CPAMD8: variants seen among roughly 807,000 people sequenced by gnomAD.
CPAMD8 encodes C3 and PZP-like alpha-2-macroglobulin domain-containing protein 8.
In CPAMD8, 146 loss-of-function variants were observed where a neutral mutation model predicts 224.7. That is an observed-to-expected ratio of 0.65 (90% CI 0.57 to 0.75). The LOEUF is 0.75. Ranked by LOEUF, CPAMD8 falls within the 30% of genes least tolerant of loss-of-function variation. The probability of loss-of-function intolerance (pLI) is 0.00; values close to 1 mark genes in which losing one functional copy is unlikely to be tolerated. For missense variants in CPAMD8, 2,301 were observed against 2,537.5 expected, an observed-to-expected ratio of 0.91 and a Z score of 2.00; for synonymous variants, 966 against 1,044.6, an observed-to-expected ratio of 0.92 and a Z score of 1.45.
chr19:16,904,623 C>A, intron 30 of CPAMD8, 71 bp from the exon 31 acceptor site: 1 of 1,003,098 alleles, frequency 1.0e-6, no homozygotes, highest in Non-Finnish European at 1.6e-6. Flanking sequence ...GGAGCGCATC[C>A]AAGCATGGGG....
chr19:16,905,912 G>A (rs2052457434), intron 30 of CPAMD8, among the ~76,000 whole-genome samples: 1 of 152,102 alleles, frequency 6.6e-6, no homozygotes, highest in Non-Finnish European at 1.5e-5. Flanking sequence ...TAGGTGGGGA[G>A]ACTGACAGCT....
rs563310279 is a variant in CPAMD8, at chr19:16,977,310, C to T, written c.1758+58G>A. On this transcript the variant is annotated intron_variant, in intron 15 of 41. Transcript: ENST00000443236. ...TGTGCACAGACCCCCTGGCCAGCAC[C>T]TTGGAGAAGCCCCGATGGCCCCTGG... 7.7e-5 allele frequency: 93 copies of T among 1,210,058 alleles called. 1 individual carries two copies. In the South Asian group the frequency reaches 1.1e-3, roughly 15 times the overall value. 75.0% of individuals were successfully genotyped at this position (1,210,058 alleles called of 1,614,324 possible).
In CPAMD8 at chr19:16,980,703, GCATGGGGGGCTCTGCCTCGCAC is replaced by G. The variant is rs2055482316; in HGVS notation, c.1396-39_1396-18del. On this transcript the variant is annotated intron_variant, in intron 13 of 41. Coordinates refer to ENST00000443236, the MANE Select transcript of CPAMD8 (RefSeq NM_015692.5). Reference sequence around the variant, plus strand: ...TTCCCCAACCTATGGAAGACACGCAGCATGGGGGGCTCTGCCTCGCACCAATGTTGCAACCCACCACAGGAAG... The same window carrying G: ...TTCCCCAACCTATGGAAGACACGCAGCAATGTTGCAACCCACCACAGGAAG... 1.3e-6 allele frequency: 2 copies of G among 1,509,330 alleles called. No individual in the cohort carries two copies. The highest frequency in any genetic ancestry group is 2.8e-5 in the African/African-American group (2 of 70,370). The allele number at this position is 1,509,330 out of a possible 1,614,324, so 93.5% of individuals were successfully genotyped here.
chr19:16,975,378 G>C (rs769161450), intron 16 of CPAMD8, 120 bp from the exon 17 acceptor site: 132 of 754,380 alleles, frequency 1.7e-4, no homozygotes, highest in Non-Finnish European at 2.6e-4. Context: ...CAACCTCCAG[G>C]AGATGGGCAC....
chr19:16,918,747 CTTTTTTT>C (rs3029467), intron 27 of CPAMD8, among the ~76,000 whole-genome samples: 2 of 127,492 alleles, frequency 1.6e-5, no homozygotes, highest in African/African-American at 3.0e-5. Flanking sequence ...CACACCCAGA[CTTTTTTT>C]TTTTTTTTTT....
chr19:16,894,669 G>A lies in CPAMD8; in HGVS notation c.5427-1330C>T, dbSNP rs575493553. 5.9e-4 allele frequency: 203 copies of A among 343,258 alleles called. 1 individual carries two copies. Among genetic ancestry groups the A allele is most frequent in the African/African-American group, 4.0e-3 (186 of 46,712 alleles). 21.3% of individuals were successfully genotyped at this position (343,258 alleles called of 1,614,324 possible). A position where few individuals can be genotyped will look rare whatever the true frequency, so the allele number is the denominator to read the frequency against. ...TGATGGGCTCTGGGTGTCCATGTGC[G>A]GTAAGAGGGGAGTAGCTTGTGTCAG... On this transcript the variant is annotated intron_variant, in intron 41 of 41. Transcript: ENST00000443236.
chr19:16,912,570 G>A (rs1478035090), intron 29 of CPAMD8, among the ~76,000 whole-genome samples: 1 of 152,166 alleles, frequency 6.6e-6, no homozygotes, highest in African/African-American at 2.4e-5. Context: ...CCAACATGGT[G>A]GAACCTGGTC....
rs894260969 is a variant in CPAMD8 at position 16,892,951 on chromosome 19, T to A, written c.*157A>T. 2 of 758,478 alleles carry A rather than the reference T, an allele frequency of 2.6e-6. No individual in the cohort carries two copies. Among genetic ancestry groups the A allele is most frequent in the Non-Finnish European group, 4.9e-6 (2 of 412,096 alleles). 47.0% of individuals were successfully genotyped at this position (758,478 alleles called of 1,614,324 possible). ...CAAAGTTCATGTGCACCCCAGAACA[T>A]GTGAGTAAGATCAGTAACGTGTATT... is the stretch of plus-strand genomic sequence containing the variant. On this transcript the variant is annotated 3_prime_UTR_variant, in exon 42 of 42. Transcript: ENST00000443236.
At chr19:16,972,445 T>A (rs1165199076) in intron 17 of CPAMD8, among the ~76,000 whole-genome samples, 2 of 152,178 alleles carry the variant, frequency 1.3e-5, no homozygotes, top group Non-Finnish European at 2.9e-5. Flanking sequence ...AAGAATTTTT[T>A]TTTTTTAGAC....
At chr19:17,013,074 G>A (rs896285493) in intron 3 of CPAMD8, among the ~76,000 whole-genome samples, 3 of 151,916 alleles carry the variant, frequency 2.0e-5, no homozygotes, top group Non-Finnish European at 2.9e-5. Context: ...CCAGCTACTC[G>A]GGAGGCTGAG....
intron 28 of CPAMD8, 65 bp from the exon 29 acceptor site, chr19:16,914,563 C>A: frequency 6.2e-7 from 1 of 1,610,008 alleles, no homozygotes; most frequent in East Asian, 2.2e-5. Context: ...CCCACTTCCC[C>A]CAGGCAGCTC....
chr19:16,974,992 G>A (rs1358437192), intron 17 of CPAMD8, 105 bp downstream of exon 17: 16 of 1,411,644 alleles, frequency 1.1e-5, no homozygotes, highest in African/African-American at 1.5e-5. Flanking sequence ...AGAAAGAAAA[G>A]CTTCCAATTC....
At chr19:16,943,765 A>G (rs2053982144) in intron 22 of CPAMD8, among the ~76,000 whole-genome samples, 1 of 152,172 alleles carries the variant, frequency 6.6e-6, no homozygotes, top group Middle Eastern at 3.2e-3. Flanking sequence ...TTTAGTAGAC[A>G]GGCCAGATAC....
chr19:16,941,958 C>T (rs549182165), intron 22 of CPAMD8, among the ~76,000 whole-genome samples: 11 of 151,708 alleles, frequency 7.3e-5, no homozygotes, highest in East Asian at 3.9e-4. Flanking sequence ...GGCGACAGAG[C>T]GAGACTCCAT....
In CPAMD8 at chr19:16,938,449, G is replaced by T; in HGVS notation, c.2794-3C>A. 1 of 1,567,250 alleles carries T rather than the reference G, an allele frequency of 6.4e-7. No homozygotes were observed. Among genetic ancestry groups the T allele is most frequent in the Non-Finnish European group, 8.7e-7 (1 of 1,153,758 alleles). ...TACGCCCGGGGGACTCCTTCCGCCTGAAACAAAGAAACAAGGAGAACTGAG... is the reference window on the plus strand; with the variant it reads ...TACGCCCGGGGGACTCCTTCCGCCTTAAACAAAGAAACAAGGAGAACTGAG... On this transcript the variant is annotated splice_region_variant and splice_polypyrimidine_tract_variant and intron_variant, in intron 22 of 41. Coordinates refer to ENST00000443236, the MANE Select transcript of CPAMD8 (RefSeq NM_015692.5).
At chr19:16,985,854 G>C (rs548657949) in intron 13 of CPAMD8, among the ~76,000 whole-genome samples, 4 of 152,110 alleles carry the variant, frequency 2.6e-5, no homozygotes, top group Admixed American at 6.6e-5. Context: ...AGGGTGGATG[G>C]AGGGATGAAT....
At chr19:16,917,064 G>A (rs898597921) in intron 27 of CPAMD8, among the ~76,000 whole-genome samples, 2 of 152,090 alleles carry the variant, frequency 1.3e-5, no homozygotes, top group African/African-American at 4.8e-5. Context: ...ACTGTAAAAC[G>A]CAAACAGGAT....
intron 26 of CPAMD8, among the ~76,000 whole-genome samples, chr19:16,923,129 G>C (rs528451011): frequency 6.6e-6 from 1 of 152,382 alleles, no homozygotes; most frequent in African/African-American, 2.4e-5. Context: ...GGGAACGAGG[G>C]GGTGAGGTGA....
At chr19:16,964,019 C>A (rs1005290580) in intron 18 of CPAMD8, among the ~76,000 whole-genome samples, 91 of 152,310 alleles carry the variant, frequency 6.0e-4, no homozygotes, top group African/African-American at 2.2e-3. Context: ...ACACCAGAAT[C>A]TCTGGGACAC....
Sources: allele counts gnomAD v4.1 joint callset (sites outside exome capture counted in the v4.1 genomes callset), GRCh38; gene constraint gnomAD v4.1.1; transcripts MANE v1.5; gene names NCBI Gene and HGNC (gene_info 2026-07-23, HGNC 2026-07-21).